The following VPS8 variants were observed in gnomAD, a reference collection of about 807,000 sequenced individuals.
VPS8 encodes the protein VPS8 subunit of CORVET complex, also known as vacuolar protein sorting-associated protein 8 homolog.
A neutral mutation model predicts 216.4 loss-of-function variants in VPS8; 129 were observed. The ratio of observed to expected loss-of-function variants is 0.60; its 90% CI spans 0.52 to 0.69. The LOEUF (loss-of-function observed/expected upper bound fraction) is 0.69, where lower values mean the gene tolerates loss of function less well. Ranked by LOEUF, VPS8 falls within the 30% of genes least tolerant of loss-of-function variation. The pLI, the probability that VPS8 is intolerant of heterozygous loss-of-function variation, is 0.00. For missense variants in VPS8, 1,531 were observed against 1,683.5 expected, an observed-to-expected ratio of 0.91 and a Z score of 1.59; for synonymous variants, 571 against 565.4, an observed-to-expected ratio of 1.01 and a Z score of -0.14.
intron 22 of VPS8, among the ~76,000 whole-genome samples, 195 bp from the exon 23 acceptor site, chr3:184,894,508 G>GTATATATATA (rs756172890): frequency 0.053 from 6,999 of 132,796 alleles, 260 homozygotes; most frequent in Middle Eastern, 0.066. Context: ...ATATACACAC[G>GTATATATATA]TATATATATA....
intron 45 of VPS8, 77 bp downstream of exon 45, chr3:184,999,938 G>A (rs375242080): frequency 4.3e-5 from 63 of 1,459,954 alleles, no homozygotes; most frequent in South Asian, 3.5e-4. Context: ...CATTTCCTTC[G>A]GTTCCATAGG....
At chr3:184,921,327 G>A (rs1368900965) in intron 29 of VPS8, among the ~76,000 whole-genome samples, 1 of 152,184 alleles carries the variant, frequency 6.6e-6, no homozygotes, top group African/African-American at 2.4e-5. Flanking sequence ...CACTTAGTAC[G>A]TGATTTCCAT....
intron 43 of VPS8, 82 bp from the exon 44 acceptor site, chr3:184,996,250 A>T: frequency 7.0e-7 from 1 of 1,427,152 alleles, no homozygotes. Flanking sequence ...AAACTAAACA[A>T]GTGCTATTCA....
chr3:185,007,960 A>C (rs536940722), intron 45 of VPS8, among the ~76,000 whole-genome samples: 4 of 152,138 alleles, frequency 2.6e-5, no homozygotes, highest in African/African-American at 7.2e-5. Flanking sequence ...GAACAGTGAT[A>C]TTAATGCCTG....
intron 46 of VPS8, among the ~76,000 whole-genome samples, chr3:185,047,995 C>T (rs1390664231): frequency 2.0e-5 from 3 of 152,154 alleles, no homozygotes; most frequent in Admixed American, 2.0e-4. Flanking sequence ...GCCCTTTTCC[C>T]AAAAGCAGCA....
intron 25 of VPS8, among the ~76,000 whole-genome samples, chr3:184,908,351 C>T (rs1578188191): frequency 6.6e-6 from 1 of 152,334 alleles, no homozygotes; most frequent in East Asian, 1.9e-4. Context: ...GCCTGCTGCG[C>T]TCAGCCCCTT....
chr3:184,932,289 A>G (rs563459002), intron 34 of VPS8, among the ~76,000 whole-genome samples: 1 of 152,220 alleles, frequency 6.6e-6, no homozygotes, highest in South Asian at 2.1e-4. Flanking sequence ...GCCTCGTAAT[A>G]TTGCACATGT....
Position 184,898,576 on chromosome 3 carries a change from G to A in VPS8, c.2016G>A (p.Met672Ile), listed in dbSNP as rs1340344426. ...TSLDIQQVVL[M>I]CWENRLYDAM... is the part of the protein sequence containing the mutation. ...TTTCCTTTTCACAGGTAGTTCTCAT[G>A]TGTTGGGAAAATCGTTTATATGATG... is the stretch of plus-strand genomic sequence containing the variant. Residue 672 changes from methionine (M) to isoleucine (I), a missense_variant, in exon 24 of 48, where the codon ATG (methionine) becomes ATA (isoleucine). Coordinates refer to ENST00000625842, the MANE Select transcript of VPS8 (RefSeq NM_001009921.3). 7.1e-6 allele frequency: 11 copies of A among 1,552,572 alleles called. No homozygotes were observed. Among genetic ancestry groups the A allele is most frequent in the Non-Finnish European group, 9.6e-6 (11 of 1,147,270 alleles).
intron 3 of VPS8, among the ~76,000 whole-genome samples, chr3:184,829,293 A>C (rs2108529680): frequency 6.6e-6 from 1 of 152,268 alleles, no homozygotes; most frequent in East Asian, 1.9e-4. Context: ...GGCTCACTGC[A>C]ACCTCCTCCT....
At chr3:184,882,332 T>C (rs2108845309) in intron 21 of VPS8, 1 of 449,928 alleles carries the variant, frequency 2.2e-6, no homozygotes, top group East Asian at 7.0e-5. Flanking sequence ...TATGATCATG[T>C]GATTTTTTTT....
At chr3:184,895,588 G>A (rs1359068000) in intron 23 of VPS8, among the ~76,000 whole-genome samples, 1 of 38,452 alleles carries the variant, frequency 2.6e-5, no homozygotes, top group African/African-American at 1.1e-4. Flanking sequence ...TCCTCCTCCT[G>A]CTCCTCCTCC....
Position 184,973,468 on chromosome 3 carries a change from T to G in VPS8, c.3420+1716T>G, listed in dbSNP as rs1196099632. The stretch of plus-strand genomic sequence containing the variant: ...CATATTCGTGGGGTTAATGTGATAT[T>G]TTGATACATGCATACAATGTGTAAT... On this transcript the variant is annotated intron_variant, in intron 40 of 47. Transcript: ENST00000625842. 2.0e-5 allele frequency among the ~76,000 whole-genome samples: 3 copies of G among 152,192 alleles called. No individual in the cohort carries two copies. The East Asian group carries it at 5.8e-4, about 29-fold the overall frequency.
intron 47 of VPS8, among the ~76,000 whole-genome samples, 178 bp downstream of exon 47, chr3:185,048,737 A>G (rs1713513910): frequency 6.6e-6 from 1 of 152,108 alleles, no homozygotes; most frequent in African/African-American, 2.4e-5. Context: ...GAGCTTGGCA[A>G]AGAGAGCAAA....
Position 184,999,717 on chromosome 3 carries a change from A to C in VPS8, c.3858A>C (p.Ser1286=). 1 of 1,611,878 alleles carries C rather than the reference A, an allele frequency of 6.2e-7. No homozygotes were observed. Among genetic ancestry groups the C allele is most frequent in the East Asian group, 2.2e-5 (1 of 44,854 alleles). ...GCAGCTGTGGCCATTTGTATCACTC[A>C]TTCTGCCTACAAAACAAAGAATGCA... ...IVFSCGHLYH[S]FCLQNKECTV... is the part of the protein sequence containing the mutation. Residue 1286 remains serine (S), a synonymous_variant, in exon 45 of 48, where the codon TCA becomes TCC. Transcript: ENST00000625842.
chr3:184,929,862 T>C (rs1740376343), intron 33 of VPS8, among the ~76,000 whole-genome samples, 198 bp downstream of exon 33: 1 of 152,148 alleles, frequency 6.6e-6, no homozygotes, highest in East Asian at 1.9e-4. Flanking sequence ...CAAATATGAT[T>C]ACAAATTGGG....
At chr3:185,050,908 A>G (rs1191952424) in intron 47 of VPS8, among the ~76,000 whole-genome samples, 1 of 152,168 alleles carries the variant, frequency 6.6e-6, no homozygotes, top group African/African-American at 2.4e-5. Context: ...GGTCCCAACT[A>G]CTGTTATTAG....
chr3:184,955,627 T>G (rs867789609), intron 36 of VPS8, among the ~76,000 whole-genome samples: 1 of 152,142 alleles, frequency 6.6e-6, no homozygotes, highest in African/African-American at 2.4e-5. Context: ...TGTCTTTATT[T>G]ATTACAATCT....
chr3:185,040,777 C>T (rs1441601980), intron 46 of VPS8, among the ~76,000 whole-genome samples: 1 of 152,120 alleles, frequency 6.6e-6, no homozygotes, highest in East Asian at 1.9e-4. Flanking sequence ...ATGCACATAC[C>T]CTTGGTTTCT....
In VPS8 at chr3:184,926,611, T is replaced by C. The variant is rs778973210; in HGVS notation, c.2592T>C (p.Cys864=). 6.2e-7 allele frequency: 1 copy of C among 1,604,116 alleles called. No individual in the cohort carries two copies. The highest frequency in any genetic ancestry group is 2.2e-5 in the East Asian group (1 of 44,658). ...TCGGCCAGGTCCTTGAATTCCTTTG[T>C]AGTCCTGACGATGACTCCCGACACT... ...TLFDQVLEFL[C]SPDDDSRHSE... The change falls in exon 31 of 48, where the codon TGT becomes TGC. Residue 864 remains cysteine (C), a synonymous_variant. Transcript: ENST00000625842.
Sources: gnomAD v4.1 joint callset for allele counts (sites outside exome capture counted in the v4.1 genomes callset) on GRCh38, gnomAD v4.1.1 for gene constraint, MANE v1.5 for transcripts, NCBI Gene and HGNC (gene_info 2026-07-23, HGNC 2026-07-21) for gene names.